The following RASAL1 variants were observed in gnomAD, a reference collection of about 807,000 sequenced individuals.
The protein encoded by RASAL1 is rasGAP-activating-like protein 1.
A neutral mutation model predicts 96.6 loss-of-function variants in RASAL1; 72 were observed. The ratio of observed to expected loss-of-function variants is 0.75; its 90% CI spans 0.62 to 0.91. The LOEUF (loss-of-function observed/expected upper bound fraction) is 0.91, where lower values mean the gene tolerates loss of function less well. Among genes scored for constraint, RASAL1 ranks in the 40% least tolerant of loss-of-function variants. The probability of loss-of-function intolerance (pLI) is 0.00; values close to 1 mark genes in which losing one functional copy is unlikely to be tolerated. For synonymous variants in RASAL1, 405 were observed against 430.4 expected, an observed-to-expected ratio of 0.94 and a Z score of 0.73; for missense variants, 1,016 against 1,072.5, an observed-to-expected ratio of 0.95 and a Z score of 0.74.
chr12:113,113,710 G>C (rs1330922739), intron 12 of RASAL1, among the ~76,000 whole-genome samples: 1 of 152,172 alleles, frequency 6.6e-6, no homozygotes, highest in Non-Finnish European at 1.5e-5. Flanking sequence ...ATCCTCTCCT[G>C]TCTCTGCCAC....
chr12:113,124,664 C>T (rs1039415188), intron 4 of RASAL1, among the ~76,000 whole-genome samples: 1 of 152,192 alleles, frequency 6.6e-6, no homozygotes, highest in Non-Finnish European at 1.5e-5. Flanking sequence ...GTCACCTCCC[C>T]TCTCTATGCC....
upstream of RASAL1, chr12:113,135,831 A>C: frequency 5.5e-6 from 1 of 181,750 alleles, no homozygotes; most frequent in South Asian, 1.4e-4. The surrounding 1 kb of genome is among the most constrained non-coding windows in gnomAD (Gnocchi z 5.7). Flanking sequence ...CCCCCACCTG[A>C]CCCCGGGCCC....
rs1950386522 is a variant in RASAL1 at position 113,100,065 on chromosome 12, G to T, written c.2282C>A (p.Ala761Asp). 2 of 1,602,346 alleles carry T rather than the reference G, an allele frequency of 1.2e-6. No individual in the cohort carries two copies. Among genetic ancestry groups the T allele is most frequent in the Non-Finnish European group, 8.5e-7 (1 of 1,173,554 alleles). The change falls in exon 21 of 21, where the codon GCC becomes GAC. Residue 761 changes from alanine (A) to aspartate (D), a missense_variant. Ala to Asp is a moderately radical substitution (Grantham distance 126). Coordinates refer to ENST00000548055, the MANE Select transcript of RASAL1 (RefSeq NM_001301202.2). ...MDTTLEADTG[A>D]CPEVLARQRA... ...TTGCCGGGCCAGGACCTCAGGACAG[G>T]CCCCTAGGAGGGAGACAAGAGGCCA... is the stretch of plus-strand genomic sequence containing the variant.
At chr12:113,134,629 G>A (rs902174071) in intron 1 of RASAL1, among the ~76,000 whole-genome samples, 5 of 152,210 alleles carry the variant, frequency 3.3e-5, no homozygotes, top group Non-Finnish European at 5.9e-5. Flanking sequence ...AGCCCCTTCT[G>A]GGCACTATGC....
At position 113,108,222 on chromosome 12, in the gene RASAL1, C is replaced by T. The variant is rs765792970; in HGVS notation, c.1375G>A (p.Asp459Asn). The T allele has an allele frequency of 2.5e-6, 4 of 1,610,376 alleles. No homozygotes were observed. Among genetic ancestry groups the T allele is most frequent in the Admixed American group, 3.4e-5 (2 of 59,300 alleles). The change falls in exon 14 of 21, where the codon GAT becomes AAT. Residue 459 changes from aspartate (D) to asparagine (N), a missense_variant and splice_region_variant. Physicochemically the swap from Asp to Asn is conservative, Grantham distance 23 (BLOSUM62 1). Coordinates refer to ENST00000548055, the MANE Select transcript of RASAL1 (RefSeq NM_001301202.2). ...EERFPQAEHQ[D>N]VKYLAISGFL... ...CCACTGATGGCCAGGTACTTCACATCCTGCTGGGAGGAGCAGAAGGTAAGA... is the reference window on the plus strand; with the variant it reads ...CCACTGATGGCCAGGTACTTCACATTCTGCTGGGAGGAGCAGAAGGTAAGA...
At chr12:113,136,103 G>A (rs922774559), upstream of RASAL1, 1 of 152,524 alleles carries the variant, frequency 6.6e-6, no homozygotes, top group African/African-American at 2.4e-5. Context: ...CGCGCCCCCC[G>A]GTCCAGGAGC....
chr12:113,103,638 A>G, intron 18 of RASAL1: 1 of 457,566 alleles, frequency 2.2e-6, no homozygotes, highest in Non-Finnish European at 3.9e-6. Flanking sequence ...TTATGCACTC[A>G]TCTTTCTTGA....
At chr12:113,101,700 A>AC (rs201028670) in intron 19 of RASAL1, among the ~76,000 whole-genome samples, 189 bp downstream of exon 19, 1,759 of 121,818 alleles carry the variant, frequency 0.014, 38 homozygotes, top group African/African-American at 0.044. Context: ...TGCATAAGGG[A>AC]CCCCTCCCAC....
intron 13 of RASAL1, among the ~76,000 whole-genome samples, chr12:113,111,577 A>T (rs1166734411): frequency 6.6e-6 from 1 of 152,028 alleles, no homozygotes; most frequent in Non-Finnish European, 1.5e-5. Flanking sequence ...AGCTGCCATT[A>T]TTATATTTAT....
At chr12:113,102,064 C>A in intron 18 of RASAL1, 55 bp from the exon 19 acceptor site, 1 of 1,580,876 alleles carries the variant, frequency 6.3e-7, no homozygotes, top group African/African-American at 1.3e-5. Context: ...CCAGAAGCCT[C>A]CACAGCCAGG....
intron 7 of RASAL1, among the ~76,000 whole-genome samples, chr12:113,117,525 A>G (rs1172927255): frequency 6.6e-6 from 1 of 152,224 alleles, no homozygotes; most frequent in Non-Finnish European, 1.5e-5. Flanking sequence ...ACAGCCCTGG[A>G]GGGACCCAAG....
intron 13 of RASAL1, among the ~76,000 whole-genome samples, chr12:113,109,399 G>A (rs1250865402): frequency 1.3e-5 from 2 of 152,112 alleles, no homozygotes; most frequent in African/African-American, 4.8e-5. Flanking sequence ...TCCATCCTGT[G>A]TGCACCTCCC....
At chr12:113,112,810 A>G (rs1022881552) in intron 12 of RASAL1, among the ~76,000 whole-genome samples, 4 of 152,104 alleles carry the variant, frequency 2.6e-5, no homozygotes, top group Admixed American at 2.6e-4. Flanking sequence ...AAATTAGCCC[A>G]GCGTGGTGGT....
At position 113,101,833 on chromosome 12, in the gene RASAL1, G is replaced by C. The variant is rs530697013; in HGVS notation, c.2225+56C>G. ...TAAATGGACACAGCAAGGCCACGGT[G>C]GGGGGCTGGCCTGGCTGGTCATAGG... On this transcript the variant is annotated intron_variant, in intron 19 of 20. Coordinates refer to ENST00000548055, the MANE Select transcript of RASAL1 (RefSeq NM_001301202.2). The C allele has an allele frequency of 3.5e-5, 55 of 1,580,246 alleles. No homozygotes were observed. The East Asian group carries it at 5.7e-4, about 16-fold the overall frequency.
intron 16 of RASAL1, among the ~76,000 whole-genome samples, chr12:113,104,540 C>T (rs1267592834): frequency 6.6e-6 from 1 of 152,128 alleles, no homozygotes; most frequent in African/African-American, 2.4e-5. Context: ...CTCGCTCTGC[C>T]GCCCAGGCTG....
chr12:113,100,683 GGAAGGTAA>G lies in RASAL1; in HGVS notation c.2226-11_2226-4del, dbSNP rs753880430. 1 of 1,608,264 alleles carries G rather than the reference GGAAGGTAA, an allele frequency of 6.2e-7. No individual in the cohort carries two copies. The highest frequency in any genetic ancestry group is 1.1e-5 in the South Asian group (1 of 90,972). On this transcript the variant is annotated splice_polypyrimidine_tract_variant and splice_region_variant and intron_variant, in intron 19 of 20. Transcript: ENST00000548055. ...TAGAATCCTCCAGTAATTTCAGCCT[GGAAGGTAA>G]GAGGGAGAAAGACAAGTCTGGTCCC... is the stretch of plus-strand genomic sequence containing the variant.
At position 113,115,346 on chromosome 12, in the gene RASAL1, A is replaced by T; in HGVS notation, c.1004-82T>A. 3.8e-6 allele frequency: 5 copies of T among 1,329,014 alleles called. No individual in the cohort carries two copies. Among genetic ancestry groups the T allele is most frequent in the Non-Finnish European group, 5.4e-6 (5 of 921,512 alleles). 82.3% of individuals were successfully genotyped at this position (1,329,014 alleles called of 1,614,324 possible). A position where few individuals can be genotyped will look rare whatever the true frequency, so the allele number is the denominator to read the frequency against. ...CCACTCACCCAAGGTGGGAGTCATGATTCTTCCAGCCCCAAGAATCAGGAA... is the reference window on the plus strand; with the variant it reads ...CCACTCACCCAAGGTGGGAGTCATGTTTCTTCCAGCCCCAAGAATCAGGAA... On this transcript the variant is annotated intron_variant, in intron 10 of 20. Transcript: ENST00000548055. This position sits in a 1 kb window ranked among gnomAD's most constrained non-coding sequence, Gnocchi z 4.1.
At position 113,119,202 on chromosome 12, in the gene RASAL1, G is replaced by C. The variant is rs1951195122; in HGVS notation, c.568C>G (p.Pro190Ala). Residue 190 changes from proline to alanine, a missense_variant, in exon 7 of 21, where the codon CCA becomes GCA. Physicochemically the swap from Pro to Ala is conservative, Grantham distance 27. Transcript: ENST00000548055. Reference protein sequence around the residue: ...WDEVLELREMPGAPSPLRVEL... With the variant: ...WDEVLELREMAGAPSPLRVEL... ...ACCCGCAGTGGGGACGGGGCACCTG[G>C]CATCTCCCGCAGCTCCAGCACTTCA... 1.2e-6 allele frequency: 2 copies of C among 1,614,056 alleles called. No individual in the cohort carries two copies. The highest frequency in any genetic ancestry group is 2.2e-5 in the East Asian group (1 of 44,880).
intron 11 of RASAL1, 41 bp from the exon 12 acceptor site, chr12:113,114,953 A>T (rs200968955): frequency 4.7e-4 from 706 of 1,493,306 alleles, no homozygotes; most frequent in Non-Finnish European, 6.2e-4. Context: ...GCTGAGGGCG[A>T]GGCCGGGGCA....
Sources: allele counts gnomAD v4.1 joint callset (sites outside exome capture counted in the v4.1 genomes callset), GRCh38; gene constraint gnomAD v4.1.1; non-coding constraint Gnocchi (gnomAD v3.1); transcripts MANE v1.5; gene names NCBI Gene and HGNC (gene_info 2026-07-23, HGNC 2026-07-21).